The following TBC1D22A variants were observed in gnomAD, a reference collection of about 807,000 sequenced individuals.
TBC1D22A encodes the protein TBC1 domain family member 22A.
Under a neutral mutation model 60.2 loss-of-function variants are expected in TBC1D22A, and 38 were observed. That is an observed-to-expected ratio of 0.63 (90% CI 0.49 to 0.83). The LOEUF (loss-of-function observed/expected upper bound fraction) is 0.83, where lower values mean the gene tolerates loss of function less well. Among genes scored for constraint, TBC1D22A ranks in the 40% least tolerant of loss-of-function variants. The pLI, the probability that TBC1D22A is intolerant of heterozygous loss-of-function variation, is 0.00. For synonymous variants in TBC1D22A, 302 were observed against 281.7 expected (o/e 1.07, Z -0.72); for missense variants, 628 against 701.0 (o/e 0.90, Z 1.18).
chr22:46,974,448 G>A lies in TBC1D22A; in HGVS notation c.1125+49G>A, dbSNP rs1478452012. 2.7e-6 allele frequency: 4 copies of A among 1,491,926 alleles called. No individual in the cohort carries two copies. In the Admixed American group the frequency reaches 5.7e-5, roughly 21 times the overall value. 92.4% of individuals were successfully genotyped at this position (1,491,926 alleles called of 1,614,324 possible). A position where few individuals can be genotyped will look rare whatever the true frequency, so the allele number is the denominator to read the frequency against. On this transcript the variant is annotated intron_variant, in intron 9 of 12. Transcript: ENST00000337137. ...ACAGCCCACGCCCACAGCCCCTGCG[G>A]TGAAGAGAGCCTGAGGCCTTAGGCT...
chr22:47,135,828 A>G (rs535846253), intron 12 of TBC1D22A, among the ~76,000 whole-genome samples: 47 of 152,318 alleles, frequency 3.1e-4, no homozygotes, highest in African/African-American at 1.1e-3. Flanking sequence ...AGCACGCGCC[A>G]CGTGCCAGGA....
chr22:46,865,062 C>T (rs180817129), intron 4 of TBC1D22A, among the ~76,000 whole-genome samples: 1 of 152,324 alleles, frequency 6.6e-6, no homozygotes, highest in Admixed American at 6.5e-5. Context: ...CCAGGTCATA[C>T]CTCTGAAATC....
At chr22:46,811,124 C>T (rs1051038813) in intron 4 of TBC1D22A, among the ~76,000 whole-genome samples, 4 of 152,148 alleles carry the variant, frequency 2.6e-5, no homozygotes, top group East Asian at 3.8e-4. Context: ...CAGTGGGCAT[C>T]GGATATTTGA....
chr22:46,821,733 G>A (rs1469824457), intron 4 of TBC1D22A, among the ~76,000 whole-genome samples: 1 of 152,006 alleles, frequency 6.6e-6, no homozygotes, highest in African/African-American at 2.4e-5. Context: ...TCTTCTTGTG[G>A]AGTATCTTAA....
intron 11 of TBC1D22A, among the ~76,000 whole-genome samples, chr22:47,046,442 T>G (rs2063036050): frequency 6.6e-6 from 1 of 152,078 alleles, no homozygotes; most frequent in African/African-American, 2.4e-5. Flanking sequence ...TGGTTGGGAT[T>G]TGTGCTGGGG....
intron 10 of TBC1D22A, among the ~76,000 whole-genome samples, chr22:47,027,481 C>G (rs537024107): frequency 2.6e-5 from 4 of 152,282 alleles, no homozygotes; most frequent in African/African-American, 9.6e-5. Context: ...TCCTTCACCC[C>G]CTTCCCACCC....
At chr22:47,036,856 C>A (rs974158703) in intron 10 of TBC1D22A, among the ~76,000 whole-genome samples, 4 of 152,258 alleles carry the variant, frequency 2.6e-5, no homozygotes, top group African/African-American at 7.2e-5. Context: ...ATCACTTCAG[C>A]AGCACCACCA....
intron 10 of TBC1D22A, among the ~76,000 whole-genome samples, chr22:47,000,175 G>T (rs2075264586): frequency 6.6e-6 from 1 of 152,144 alleles, no homozygotes; most frequent in Non-Finnish European, 1.5e-5. Flanking sequence ...GCCCAGATGG[G>T]AATAGTTCAG....
At chr22:46,891,161 A>G in intron 5 of TBC1D22A, 105 bp from the exon 6 acceptor site, 1 of 1,286,128 alleles carries the variant, frequency 7.8e-7, no homozygotes, top group South Asian at 1.7e-5. Context: ...AGATTTCAGA[A>G]TGCCAAGCTT....
intron 7 of TBC1D22A, among the ~76,000 whole-genome samples, chr22:46,911,189 G>A (rs538440336): frequency 6.6e-6 from 1 of 152,230 alleles, no homozygotes; most frequent in South Asian, 2.1e-4. Context: ...AAGAGGTGGT[G>A]GAGAGAGGGT....
At chr22:47,030,165 C>T (rs763862251) in intron 10 of TBC1D22A, among the ~76,000 whole-genome samples, 1 of 152,160 alleles carries the variant, frequency 6.6e-6, no homozygotes, top group African/African-American at 2.4e-5. Flanking sequence ...TGAAATCTTC[C>T]CCCAGAATCA....
In TBC1D22A at chr22:46,990,138, T is replaced by C. The variant is rs371898328; in HGVS notation, c.1126-7496T>C. 1.4e-4 allele frequency among the ~76,000 whole-genome samples: 21 copies of C among 152,250 alleles called. No individual in the cohort carries two copies. Among genetic ancestry groups the C allele is most frequent in the South Asian group, 4.1e-4 (2 of 4,834 alleles). ...AAGTTTTATTTAAAATGAACTCTTA[T>C]AGATAGTTTATTCTTGCAACTTGCT... On this transcript the variant is annotated intron_variant, in intron 9 of 12. Transcript: ENST00000337137. The surrounding 1 kb of genome is among the most constrained non-coding windows in gnomAD (Gnocchi z 4.6).
intron 4 of TBC1D22A, among the ~76,000 whole-genome samples, chr22:46,817,182 T>G (rs1399398475): frequency 6.6e-6 from 1 of 152,184 alleles, no homozygotes; most frequent in East Asian, 1.9e-4. Context: ...ACCCATTGGC[T>G]GTAATAAGTG....
chr22:47,068,700 T>C (rs918949567), intron 11 of TBC1D22A, among the ~76,000 whole-genome samples: 4 of 152,260 alleles, frequency 2.6e-5, no homozygotes, highest in Non-Finnish European at 5.9e-5. Context: ...TATGATTGTG[T>C]CCTTTTAAAT....
At chr22:47,093,151 T>A (rs774050618) in intron 11 of TBC1D22A, among the ~76,000 whole-genome samples, 1 of 152,160 alleles carries the variant, frequency 6.6e-6, no homozygotes, top group Non-Finnish European at 1.5e-5. Context: ...TGTCTTTGAT[T>A]TCATCCATAA....
At chr22:47,022,641 C>T (rs1407251119) in intron 10 of TBC1D22A, among the ~76,000 whole-genome samples, 6 of 151,964 alleles carry the variant, frequency 3.9e-5, no homozygotes, top group Non-Finnish European at 7.4e-5. Context: ...GATCAATGCA[C>T]GGATGTGAGG....
chr22:46,906,849 T>C (rs1187143782), intron 7 of TBC1D22A, among the ~76,000 whole-genome samples: 1 of 151,628 alleles, frequency 6.6e-6, no homozygotes, highest in Non-Finnish European at 1.5e-5. Flanking sequence ...TTTTTGTGTA[T>C]GTGCACTTGT....
At chr22:46,866,208 G>T (rs995842122) in intron 4 of TBC1D22A, among the ~76,000 whole-genome samples, 1 of 152,158 alleles carries the variant, frequency 6.6e-6, no homozygotes. Flanking sequence ...GGGTTCAAGC[G>T]ATTCTCCTGC....
intron 11 of TBC1D22A, among the ~76,000 whole-genome samples, chr22:47,051,093 C>T (rs1336767818): frequency 6.7e-6 from 1 of 149,118 alleles, no homozygotes; most frequent in Non-Finnish European, 1.5e-5. Flanking sequence ...CCTGGCAGGT[C>T]ATGTGGGAGG....
Sources: gnomAD v4.1 joint callset for allele counts (sites outside exome capture counted in the v4.1 genomes callset) on GRCh38, gnomAD v4.1.1 for gene constraint, Gnocchi (gnomAD v3.1) non-coding constraint, MANE v1.5 for transcripts, NCBI Gene and HGNC (gene_info 2026-07-23, HGNC 2026-07-21) for gene names.